The following ANK2 variants were observed in gnomAD, a reference collection of about 807,000 sequenced individuals.
ANK2 encodes the protein ankyrin 2, also known as ankyrin-2.
A neutral mutation model predicts 360.5 loss-of-function variants in ANK2; 83 were observed. The ratio of observed to expected loss-of-function variants is 0.23; its 90% CI spans 0.19 to 0.28. The LOEUF (loss-of-function observed/expected upper bound fraction) is 0.28, where lower values mean the gene tolerates loss of function less well. Ranked by LOEUF, ANK2 falls within the 10% of genes least tolerant of loss-of-function variation. The pLI is 1.00. For missense variants in ANK2, 4,201 were observed against 4,795.7 expected (o/e 0.88, Z 3.66); for synonymous variants, 1,740 against 1,759.5 (o/e 0.99, Z 0.28).
intron 1 of ANK2, among the ~76,000 whole-genome samples, chr4:113,068,872 G>C (rs2076537964): frequency 6.6e-6 from 1 of 152,090 alleles, no homozygotes; most frequent in Non-Finnish European, 1.5e-5. Flanking sequence ...ACAAGCCTGG[G>C]CAACATAGTG....
At chr4:113,258,871 A>G (rs1275399296) in intron 13 of ANK2, among the ~76,000 whole-genome samples, 1 of 152,242 alleles carries the variant, frequency 6.6e-6, no homozygotes, top group East Asian at 1.9e-4. Flanking sequence ...GATCAATATC[A>G]GAGACTTTTA....
intron 1 of ANK2, among the ~76,000 whole-genome samples, chr4:113,142,798 A>G (rs1038427246): frequency 2.6e-5 from 4 of 152,152 alleles, no homozygotes; most frequent in Non-Finnish European, 4.4e-5. Flanking sequence ...AACAGTTGTC[A>G]GCATGTTACT....
chr4:113,028,378 A>T (rs1274592900), intron 2 of ANK2, among the ~76,000 whole-genome samples: 5 of 152,150 alleles, frequency 3.3e-5, no homozygotes, highest in African/African-American at 9.7e-5. Context: ...AAATGCAGAG[A>T]ACACTTGTTA....
At position 113,274,582 on chromosome 4, in the gene ANK2, G is replaced by A. The variant is rs927869437; in HGVS notation, c.1616G>A (p.Arg539Gln). 6 of 1,614,060 alleles carry A rather than the reference G, an allele frequency of 3.7e-6. No individual in the cohort carries two copies. The African/African-American group carries it at 4.0e-5, about 11-fold the overall frequency. ...NGYTPLHISA[R>Q]EGQVDVASVL... ...TACACACCACTGCACATCTCTGCCC[G>A]GGAGGGCCAGGTGGATGTGGCATCA... The change falls in exon 15 of 46, where the codon CGG (arginine) becomes CAG (glutamine). Residue 539 changes from arginine (R) to glutamine (Q), a missense_variant. Physicochemically the swap from Arg to Gln is conservative, Grantham distance 43 (BLOSUM62 1). Coordinates refer to ENST00000357077, the MANE Select transcript of ANK2 (RefSeq NM_001148.6).
chr4:113,294,846 A>G (rs543331505), intron 22 of ANK2, among the ~76,000 whole-genome samples: 10 of 152,316 alleles, frequency 6.6e-5, no homozygotes, highest in African/African-American at 2.4e-4. Flanking sequence ...AGGTCACTAT[A>G]TTTAATGGCT....
chr4:113,308,967 AG>A (rs2078543069), intron 23 of ANK2, among the ~76,000 whole-genome samples: 1 of 152,142 alleles, frequency 6.6e-6, no homozygotes, highest in Non-Finnish European at 1.5e-5. Context: ...CAAGAATATG[AG>A]TGTTATTTCA....
At chr4:113,001,526 A>T (rs2050671366) in intron 2 of ANK2, among the ~76,000 whole-genome samples, 1 of 148,188 alleles carries the variant, frequency 6.7e-6, no homozygotes, top group East Asian at 2.0e-4. Context: ...CCGACAAAAA[A>T]ATTCAAAGCA....
At chr4:113,094,342 A>G (rs1375750349) in intron 1 of ANK2, among the ~76,000 whole-genome samples, 2 of 152,192 alleles carry the variant, frequency 1.3e-5, no homozygotes, top group African/African-American at 2.4e-5. Context: ...TTATCAACCT[A>G]TCTCTGAGAC....
chr4:112,719,685 C>T, the ANK2 span, among the ~76,000 whole-genome samples: 5 of 147,068 alleles, frequency 3.4e-5, no homozygotes, highest in Non-Finnish European at 3.0e-5. Context: ...CTGAGATCGC[C>T]GATTACACTC....
the ANK2 span, among the ~76,000 whole-genome samples, chr4:112,811,446 A>G: frequency 6.6e-6 from 1 of 152,280 alleles, no homozygotes; most frequent in Non-Finnish European, 1.5e-5. Context: ...TATCATATCA[A>G]GAGTTGTACA....
In ANK2 at chr4:113,358,299, C is replaced by T. The variant is rs144466117; in HGVS notation, c.9681C>T (p.Thr3227=). Residue 3227 remains threonine (T), a synonymous_variant, in exon 38 of 46, where the codon ACC becomes ACT. Transcript: ENST00000357077. ...AVSVGTKDLP[T]VQTGDIPPLS... ...GTGTAGGGACCAAGGACCTCCCCAC[C>T]GTGCAAACGGGTGATATACCTCCTC... The T allele has an allele frequency of 2.6e-5, 42 of 1,613,288 alleles. No homozygotes were observed. Among genetic ancestry groups the T allele is most frequent in the Non-Finnish European group, 3.1e-5 (37 of 1,179,560 alleles).
chr4:112,769,505 T>C, the ANK2 span, among the ~76,000 whole-genome samples: 2 of 152,258 alleles, frequency 1.3e-5, no homozygotes, highest in Non-Finnish European at 2.9e-5. Flanking sequence ...TCTTACTTTT[T>C]ATGAAGTTGG....
intron 22 of ANK2, among the ~76,000 whole-genome samples, chr4:113,300,316 C>A (rs753758442): frequency 6.6e-6 from 1 of 152,200 alleles, no homozygotes; most frequent in Non-Finnish European, 1.5e-5. Context: ...ACTTTCTTTA[C>A]TTTCTCTGTT....
intron 4 of ANK2, among the ~76,000 whole-genome samples, chr4:113,223,132 T>C (rs945584293): frequency 2.4e-4 from 36 of 152,248 alleles, no homozygotes; most frequent in Middle Eastern, 3.4e-3. Context: ...TTGGTGACAA[T>C]TTGGGGATGT....
chr4:113,222,735 T>G (rs1362075453), intron 4 of ANK2, among the ~76,000 whole-genome samples: 1 of 152,176 alleles, frequency 6.6e-6, no homozygotes, highest in Non-Finnish European at 1.5e-5. Flanking sequence ...TGATAAAACT[T>G]AACCTCCCCA....
chr4:112,728,483 G>C, the ANK2 span, among the ~76,000 whole-genome samples: 1 of 151,934 alleles, frequency 6.6e-6, no homozygotes, highest in Non-Finnish European at 1.5e-5. Context: ...TGGCACAGTG[G>C]CTCACCCTTG....
intron 31 of ANK2, among the ~76,000 whole-genome samples, chr4:113,338,827 G>A (rs1227028237): frequency 6.6e-6 from 1 of 152,006 alleles, no homozygotes; most frequent in African/African-American, 2.4e-5. Context: ...GGGATTACAG[G>A]CATGAGTCAC....
chr4:113,153,769 G>A (rs901598904), intron 1 of ANK2, among the ~76,000 whole-genome samples: 7 of 152,150 alleles, frequency 4.6e-5, no homozygotes, highest in Admixed American at 6.5e-5. Context: ...CAGAAGAATC[G>A]CCTGGTGTGT....
chr4:112,964,160 C>T (rs1252994019), intron 2 of ANK2, among the ~76,000 whole-genome samples: 1 of 149,242 alleles, frequency 6.7e-6, no homozygotes, highest in Non-Finnish European at 1.5e-5. Flanking sequence ...TTGATACAGG[C>T]ATGCAGTAAG....
Sources: allele counts gnomAD v4.1 joint callset (sites outside exome capture counted in the v4.1 genomes callset), GRCh38; gene constraint gnomAD v4.1.1; transcripts MANE v1.5; gene names NCBI Gene and HGNC (gene_info 2026-07-23, HGNC 2026-07-21).